The following LMX1B variants were observed in gnomAD, a reference collection of about 807,000 sequenced individuals.
LMX1B encodes the protein LIM homeobox transcription factor 1-beta.
In LMX1B, 12 loss-of-function variants were observed where a neutral mutation model predicts 51.4. The observed-to-expected ratio is 0.23, with a 90% CI of 0.15 to 0.38. The LOEUF is 0.38. Among genes scored for constraint, LMX1B ranks in the 10% least tolerant of loss-of-function variants. The pLI, the probability that LMX1B is intolerant of heterozygous loss-of-function variation, is 1.00. For missense variants in LMX1B, 445 were observed against 571.1 expected (o/e 0.78, Z 2.25); for synonymous variants, 237 against 235.4 (o/e 1.01, Z -0.06).
rs141875592 is a variant in LMX1B, at chr9:126,684,187, G to A, written c.327-6649G>A. 3.1e-4 allele frequency among the ~76,000 whole-genome samples: 47 copies of A among 152,288 alleles called. 1 individual carries two copies. Among genetic ancestry groups the A allele is most frequent in the African/African-American group, 8.9e-4 (37 of 41,562 alleles). On this transcript the variant is annotated intron_variant, in intron 2 of 7. Coordinates refer to ENST00000373474, the MANE Select transcript of LMX1B (RefSeq NM_001174147.2). ...TCCAGCAGTGGTTGCTGCTGGGACCGTGGGCTTGGGCATGGAGAGGCCCTA... is the reference window on the plus strand; with the variant it reads ...TCCAGCAGTGGTTGCTGCTGGGACCATGGGCTTGGGCATGGAGAGGCCCTA...
rs980255811 is a variant in LMX1B at position 126,618,022 on chromosome 9, T to C, written c.326+2453T>C. The stretch of plus-strand genomic sequence containing the variant: ...CAGCAGCCACTGGAAAGGGATGTTC[T>C]TTGCACAATAAAAATTTTTTTATTC... On this transcript the variant is annotated intron_variant, in intron 2 of 7. Transcript: ENST00000373474. The surrounding 1 kb of genome is among the most constrained non-coding windows in gnomAD (Gnocchi z 4.5). Among the ~76,000 whole-genome samples the C allele has an allele frequency of 7.2e-5, 11 of 152,180 alleles. No homozygotes were observed. The highest frequency in any genetic ancestry group is 2.2e-4 in the African/African-American group (9 of 41,456).
In LMX1B at chr9:126,693,802, G is replaced by C. The variant is rs1030784232; in HGVS notation, c.876G>C (p.Arg292=). 2 of 1,377,548 alleles carry C rather than the reference G, an allele frequency of 1.5e-6. No homozygotes were observed. The highest frequency in any genetic ancestry group is 2.0e-6 in the Non-Finnish European group (2 of 999,018). The allele number at this position is 1,377,548 out of a possible 1,614,324, so 85.3% of individuals were successfully genotyped here. A position where few individuals can be genotyped will look rare whatever the true frequency, so the allele number is the denominator to read the frequency against. Reference sequence around the variant, plus strand: ...AGCAGGAGCAGCAGAACTCCCAGCGGCTGGGCCAGGGTGAGCCGGGGCCGG... The same window carrying C: ...AGCAGGAGCAGCAGAACTCCCAGCGCCTGGGCCAGGGTGAGCCGGGGCCGG... ...QQQQEQQNSQ[R]LGQEVLSSRM... The change falls in exon 6 of 8, where the codon CGG becomes CGC. Residue 292 remains arginine (R), a synonymous_variant. Coordinates refer to ENST00000373474, the MANE Select transcript of LMX1B (RefSeq NM_001174147.2).
At chr9:126,665,982 A>C (rs965054806) in intron 2 of LMX1B, among the ~76,000 whole-genome samples, 1 of 152,248 alleles carries the variant, frequency 6.6e-6, no homozygotes, top group African/African-American at 2.4e-5. Context: ...AGATCGGAGG[A>C]GGAGGCCTCT....
chr9:126,681,249 A>C (rs758471503), intron 2 of LMX1B, among the ~76,000 whole-genome samples: 4 of 151,766 alleles, frequency 2.6e-5, no homozygotes, highest in Non-Finnish European at 5.9e-5. Flanking sequence ...CTCTCCCTGA[A>C]CTCCAACCTC....
chr9:126,663,412 A>G (rs953524888), intron 2 of LMX1B, among the ~76,000 whole-genome samples: 3 of 147,764 alleles, frequency 2.0e-5, no homozygotes, highest in Non-Finnish European at 4.5e-5. Context: ...CGACAAGGCA[A>G]GACTCTTTCT....
intron 2 of LMX1B, among the ~76,000 whole-genome samples, chr9:126,686,309 A>G (rs375458778): frequency 4.9e-4 from 75 of 151,620 alleles, no homozygotes; most frequent in African/African-American, 1.8e-3. Context: ...AATTAATCAG[A>G]TTAGTAATCC....
Position 126,615,611 on chromosome 9 carries a change from T to TC in LMX1B, c.326+43dup. ...CTCCTTCCCCGCCACCGCCCGGCAC[T>TC]CGAGCCCGGTCAGCCCCCTGCCGGG... is the stretch of plus-strand genomic sequence containing the variant. On this transcript the variant is annotated intron_variant, in intron 2 of 7. Transcript: ENST00000373474. The surrounding 1 kb of genome is among the most constrained non-coding windows in gnomAD (Gnocchi z 6.0). 2.6e-6 allele frequency: 4 copies of TC among 1,552,072 alleles called. No homozygotes were observed. Among genetic ancestry groups the TC allele is most frequent in the Non-Finnish European group, 3.5e-6 (4 of 1,145,546 alleles).
intron 2 of LMX1B, among the ~76,000 whole-genome samples, chr9:126,624,474 G>GA (rs1425164699): frequency 6.6e-6 from 1 of 152,192 alleles, no homozygotes; most frequent in Non-Finnish European, 1.5e-5. Flanking sequence ...TGAGAGAACA[G>GA]AAAATTAGGG....
intron 6 of LMX1B, among the ~76,000 whole-genome samples, chr9:126,694,464 A>G (rs2030256508): frequency 6.6e-6 from 1 of 152,186 alleles, no homozygotes; most frequent in South Asian, 2.1e-4. Flanking sequence ...CTGCAGGGGC[A>G]TGAGTCAGGC....
Position 126,626,136 on chromosome 9 carries a change from T to A in LMX1B, c.326+10567T>A, listed in dbSNP as rs1835524954. Among the ~76,000 whole-genome samples the A allele has an allele frequency of 6.6e-6, 1 of 152,182 alleles. No homozygotes were observed. The highest frequency in any genetic ancestry group is 1.5e-5 in the Non-Finnish European group (1 of 68,020). On this transcript the variant is annotated intron_variant, in intron 2 of 7. Coordinates refer to ENST00000373474, the MANE Select transcript of LMX1B (RefSeq NM_001174147.2). The surrounding 1 kb of genome is among the most constrained non-coding windows in gnomAD (Gnocchi z 4.3). ...ACTTCGGAGGAATTTGTCTCTGATG[T>A]CCCGGCTCCCTGGCCTCCTATTAGA... is the stretch of plus-strand genomic sequence containing the variant.
At chr9:126,675,942 G>T (rs576652413) in intron 2 of LMX1B, among the ~76,000 whole-genome samples, 3 of 145,990 alleles carry the variant, frequency 2.1e-5, no homozygotes, top group African/African-American at 7.6e-5. Context: ...CCAGCTACTC[G>T]GGAGGCTGAG....
In LMX1B at chr9:126,625,234, C is replaced by T. The variant is rs1327679037; in HGVS notation, c.326+9665C>T. Among the ~76,000 whole-genome samples the T allele has an allele frequency of 6.6e-6, 1 of 152,224 alleles. No homozygotes were observed. The highest frequency in any genetic ancestry group is 6.5e-5 in the Admixed American group (1 of 15,290). ...CCCTGACGCTTTTCGTTTCCGAGCG[C>T]GCTTGGGCCTCAGGAGCCGGAGCGT... On this transcript the variant is annotated intron_variant, in intron 2 of 7. Transcript: ENST00000373474. The surrounding 1 kb of genome is among the most constrained non-coding windows in gnomAD (Gnocchi z 5.3).
At chr9:126,644,460 T>C (rs1040065779) in intron 2 of LMX1B, among the ~76,000 whole-genome samples, 4 of 152,076 alleles carry the variant, frequency 2.6e-5, no homozygotes, top group African/African-American at 9.7e-5. Context: ...CTGGCTCCCT[T>C]CTCTAGGACG....
chr9:126,615,305 T>G lies in LMX1B; in HGVS notation c.140-78T>G. The G allele has an allele frequency of 1.7e-6, 2 of 1,209,608 alleles. No individual in the cohort carries two copies. Among genetic ancestry groups the G allele is most frequent in the African/African-American group, 1.6e-5 (1 of 61,986 alleles). 74.9% of individuals were successfully genotyped at this position (1,209,608 alleles called of 1,614,324 possible). A position where few individuals can be genotyped will look rare whatever the true frequency, so the allele number is the denominator to read the frequency against. On this transcript the variant is annotated intron_variant, in intron 1 of 7. Coordinates refer to ENST00000373474, the MANE Select transcript of LMX1B (RefSeq NM_001174147.2). This position sits in a 1 kb window ranked among gnomAD's most constrained non-coding sequence, Gnocchi z 6.0. ...GGCCCGAGCCCTCGGGGCCGAGGGC[T>G]GTGGGCCCGGTGCGACCGGGACGCC...
In LMX1B at chr9:126,673,993, C is replaced by T. The variant is rs3850585; in HGVS notation, c.327-16843C>T. ...ATGCTGGCTGATAGATGGGGATGGG[C>T]GGACTGTTAACCCCTCGTTGCCTGC... On this transcript the variant is annotated intron_variant, in intron 2 of 7. Coordinates refer to ENST00000373474, the MANE Select transcript of LMX1B (RefSeq NM_001174147.2). This position sits in a 1 kb window ranked among gnomAD's most constrained non-coding sequence, Gnocchi z 4.4. Among the ~76,000 whole-genome samples, 14,439 of 152,128 alleles carry T rather than the reference C, an allele frequency of 0.095. 1,035 individuals carry two copies. Among genetic ancestry groups the T allele is most frequent in the East Asian group, 0.34 (1,755 of 5,158 alleles).
At chr9:126,624,428 C>A (rs1294640648) in intron 2 of LMX1B, among the ~76,000 whole-genome samples, 1 of 152,176 alleles carries the variant, frequency 6.6e-6, no homozygotes, top group Non-Finnish European at 1.5e-5. Context: ...CCCCCTCGGG[C>A]TGGCCAAAAG....
intron 2 of LMX1B, among the ~76,000 whole-genome samples, chr9:126,634,468 G>GC (rs1835680145): frequency 6.6e-6 from 1 of 152,168 alleles, no homozygotes; most frequent in African/African-American, 2.4e-5. Flanking sequence ...TGCCACCATG[G>GC]TGCTGAACAG....
Position 126,696,016 on chromosome 9 carries a change from A to ACGGGG in LMX1B, c.1051+14_1051+15insGGGGC. 2 of 1,512,694 alleles carry ACGGGG rather than the reference A, an allele frequency of 1.3e-6. No individual in the cohort carries two copies. Among genetic ancestry groups the ACGGGG allele is most frequent in the Non-Finnish European group, 1.8e-6 (2 of 1,131,790 alleles). 93.7% of individuals were successfully genotyped at this position (1,512,694 alleles called of 1,614,324 possible). ...ATGAACCCCTATGGTAAGCCGCCCT[A>ACGGGG]CCCCCACCCGCCCGCCCCAGCACAG... On this transcript the variant is annotated intron_variant, in intron 7 of 7. Transcript: ENST00000373474.
rs1835277120 is a variant in LMX1B at position 126,615,154 on chromosome 9, G to A, written c.140-229G>A. ...CCGGAGAAGGGGAGAGCACAGCGCCGAGCCAAGGCTCGAGGCCCGCGGCCT... is the reference window on the plus strand; with the variant it reads ...CCGGAGAAGGGGAGAGCACAGCGCCAAGCCAAGGCTCGAGGCCCGCGGCCT... On this transcript the variant is annotated intron_variant, in intron 1 of 7. Coordinates refer to ENST00000373474, the MANE Select transcript of LMX1B (RefSeq NM_001174147.2). This position sits in a 1 kb window ranked among gnomAD's most constrained non-coding sequence, Gnocchi z 6.0. 2.0e-5 allele frequency among the ~76,000 whole-genome samples: 3 copies of A among 151,962 alleles called. No homozygotes were observed. The highest frequency in any genetic ancestry group is 6.5e-5 in the Admixed American group (1 of 15,270).
Sources: allele counts gnomAD v4.1 joint callset (sites outside exome capture counted in the v4.1 genomes callset), GRCh38; gene constraint gnomAD v4.1.1; non-coding constraint Gnocchi (gnomAD v3.1); transcripts MANE v1.5; gene names NCBI Gene and HGNC (gene_info 2026-07-23, HGNC 2026-07-21).